RORC: variants seen among roughly 807,000 people sequenced by gnomAD.
The protein encoded by RORC is RAR related orphan receptor C.
RORC carries 13 observed loss-of-function variants against 64.5 expected under a neutral mutation model. That is an observed-to-expected ratio of 0.20 (90% confidence interval 0.13 to 0.32). The LOEUF (loss-of-function observed/expected upper bound fraction) is 0.32, where lower values mean the gene tolerates loss of function less well. Among genes scored for constraint, RORC ranks in the 10% least tolerant of loss-of-function variants. The probability of loss-of-function intolerance (pLI) is 1.00; values close to 1 mark genes in which losing one functional copy is unlikely to be tolerated. For synonymous variants in RORC, 277 were observed against 259.3 expected (o/e 1.07, Z -0.65); for missense variants, 468 against 669.5 (o/e 0.70, Z 3.32).
intron 2 of RORC, among the ~76,000 whole-genome samples, chr1:151,819,525 G>A (rs1226515279): frequency 6.6e-6 from 1 of 152,138 alleles, no homozygotes; most frequent in East Asian, 1.9e-4. Flanking sequence ...ACCAGAGATG[G>A]GAGAAACCAA....
In RORC at chr1:151,830,659, C is replaced by CACACACACACACAA. The variant is rs59443678; in HGVS notation, c.40+1065_40+1066insTTGTGTGTGTGTGT. Among the ~76,000 whole-genome samples, 6 of 139,154 alleles carry CACACACACACACAA rather than the reference C, an allele frequency of 4.3e-5. No homozygotes were observed. In the East Asian group the frequency reaches 8.7e-4, roughly 20 times the overall value. The allele number at this position is 139,154 out of a possible 152,430, so 91.3% of individuals were successfully genotyped here. On this transcript the variant is annotated intron_variant, in intron 1 of 10. Coordinates refer to ENST00000318247, the MANE Select transcript of RORC (RefSeq NM_005060.4). This position sits in a 1 kb window ranked among gnomAD's most constrained non-coding sequence, Gnocchi z 4.0. ...ACACACACACACACACACACACACA[C>CACACACACACACAA]ACAGTGCCCTTCTGCCCGGGAGATG... is the stretch of plus-strand genomic sequence containing the variant.
At position 151,807,237 on chromosome 1, in the gene RORC, GAC is replaced by G. The variant is rs1651349335; in HGVS notation, c.*233_*234del. On this transcript the variant is annotated 3_prime_UTR_variant, in exon 11 of 11. Coordinates refer to ENST00000318247, the MANE Select transcript of RORC (RefSeq NM_005060.4). The surrounding 1 kb of genome is among the most constrained non-coding windows in gnomAD (Gnocchi z 5.0). The stretch of plus-strand genomic sequence containing the variant: ...GGGTGTGAAGGAATATGGGAAATGA[GAC>G]AGGTCAAAGCTGAGGCTGGAGATGG... 1 of 464,288 alleles carries G rather than the reference GAC, an allele frequency of 2.2e-6. No homozygotes were observed. Among genetic ancestry groups the G allele is most frequent in the Admixed American group, 3.7e-5 (1 of 27,220 alleles). The allele number at this position is 464,288 out of a possible 1,614,324, so 28.8% of individuals were successfully genotyped here. A position where few individuals can be genotyped will look rare whatever the true frequency, so the allele number is the denominator to read the frequency against.
chr1:151,813,473 C>A lies in RORC; in HGVS notation c.1066+15G>T. On this transcript the variant is annotated intron_variant, in intron 7 of 10. Coordinates refer to ENST00000318247, the MANE Select transcript of RORC (RefSeq NM_005060.4). ...GTCCCCTTGTCCCCAGGCCTGCCCA[C>A]CCATCCCTGGGCACCTGCTTTGAGA... 3 of 1,613,962 alleles carry A rather than the reference C, an allele frequency of 1.9e-6. No homozygotes were observed. Among genetic ancestry groups the A allele is most frequent in the South Asian group, 2.2e-5 (2 of 91,078 alleles).
rs1372213178 is a variant in RORC at position 151,812,967 on chromosome 1, G to A, written c.1265C>T (p.Ala422Val). The change falls in exon 9 of 11, where the codon GCC (alanine) becomes GTC (valine). Residue 422 changes from alanine to valine, a missense_variant. By Grantham distance (64) the Ala-to-Val change is moderately conservative (BLOSUM62 0). Transcript: ENST00000318247. ...CTCACGGGCATTGATGAGAACAAGG[G>A]CTGTGTAGAGGGCAATCTCATCCTC... ...FSEDEIALYT[A>V]LVLINAHRPG... The A allele has an allele frequency of 1.9e-6, 3 of 1,612,464 alleles. No homozygotes were observed. Among genetic ancestry groups the A allele is most frequent in the African/African-American group, 1.3e-5 (1 of 74,890 alleles).
chr1:151,811,195 C>A, intron 10 of RORC, 130 bp downstream of exon 10: 1 of 535,594 alleles, frequency 1.9e-6, no homozygotes, highest in Non-Finnish European at 3.4e-6. Flanking sequence ...ACTGCTGATG[C>A]AAGCTCTCTA....
In RORC at chr1:151,812,952, T is replaced by C. The variant is rs1295691571; in HGVS notation, c.1280A>G (p.Asn427Ser). The C allele has an allele frequency of 6.2e-7, 1 of 1,607,698 alleles. No homozygotes were observed. The highest frequency in any genetic ancestry group is 8.5e-7 in the Non-Finnish European group (1 of 1,174,290). Reference protein sequence around the residue: ...IALYTALVLINAHRPGLQEKR... With the variant: ...IALYTALVLISAHRPGLQEKR... Reference sequence around the variant, plus strand: ...CCAAGCCCAGCAACACTCACGGGCATTGATGAGAACAAGGGCTGTGTAGAG... The same window carrying C: ...CCAAGCCCAGCAACACTCACGGGCACTGATGAGAACAAGGGCTGTGTAGAG... Residue 427 changes from asparagine (N) to serine (S), a missense_variant, in exon 9 of 11, where the codon AAT becomes AGT. Physicochemically the swap from Asn to Ser is conservative, Grantham distance 46. Transcript: ENST00000318247.
intron 2 of RORC, among the ~76,000 whole-genome samples, chr1:151,818,791 T>C (rs891490354): frequency 6.6e-6 from 1 of 152,216 alleles, no homozygotes; most frequent in African/African-American, 2.4e-5. Flanking sequence ...TGCACATTGC[T>C]GTGATCTCAC....
chr1:151,818,222 C>T (rs552233213), intron 2 of RORC, among the ~76,000 whole-genome samples: 4 of 152,238 alleles, frequency 2.6e-5, no homozygotes, highest in East Asian at 1.9e-4. Flanking sequence ...CCTGTCTTTT[C>T]GGGTACACAT....
chr1:151,812,698 T>C, intron 9 of RORC: 1 of 379,960 alleles, frequency 2.6e-6, no homozygotes. Context: ...GGAAAGTGGC[T>C]CATTTCCTCT....
chr1:151,814,527 CG>C, intron 6 of RORC, 46 bp downstream of exon 6: 3 of 1,577,310 alleles, frequency 1.9e-6, no homozygotes, highest in Non-Finnish European at 2.6e-6. Context: ...TGAACTCTCC[CG>C]GTGGGGGTGG....
chr1:151,814,423 T>C (rs1371599047), intron 6 of RORC, 151 bp downstream of exon 6: 1 of 722,554 alleles, frequency 1.4e-6, no homozygotes, highest in Non-Finnish European at 2.3e-6. Context: ...CATTCGCAAC[T>C]GTACATAAAA....
intron 1 of RORC, chr1:151,831,511 T>G (rs1652418383): frequency 2.9e-6 from 1 of 340,526 alleles, no homozygotes; most frequent in Admixed American, 6.5e-5. Context: ...CTTTCCTGTT[T>G]CTCTCCTTTT....
chr1:151,819,475 C>T (rs1468509304), intron 2 of RORC, among the ~76,000 whole-genome samples: 2 of 152,174 alleles, frequency 1.3e-5, no homozygotes, highest in African/African-American at 2.4e-5. Flanking sequence ...CAACACCTCC[C>T]CCTCCAACAC....
At position 151,807,889 on chromosome 1, in the gene RORC, T is replaced by C. The variant is rs931952845; in HGVS notation, c.1396-256A>G. ...ATTTATGTTCCCAATACTTCTAGAA[T>C]GAACCTTGTCAAAGACTCTAATGTG... On this transcript the variant is annotated intron_variant, in intron 10 of 10. Coordinates refer to ENST00000318247, the MANE Select transcript of RORC (RefSeq NM_005060.4). The surrounding 1 kb of genome is among the most constrained non-coding windows in gnomAD (Gnocchi z 5.0). 6.6e-6 allele frequency among the ~76,000 whole-genome samples: 1 copy of C among 152,230 alleles called. No individual in the cohort carries two copies. Among genetic ancestry groups the C allele is most frequent in the African/African-American group, 2.4e-5 (1 of 41,458 alleles).
intron 10 of RORC, among the ~76,000 whole-genome samples, chr1:151,808,398 C>A (rs976236305): frequency 3.9e-5 from 6 of 152,210 alleles, no homozygotes; most frequent in African/African-American, 1.4e-4. Context: ...GCTGAAAGAA[C>A]AATTTATCTC....
intron 1 of RORC, 57 bp downstream of exon 1, chr1:151,831,668 C>T: frequency 6.2e-7 from 1 of 1,609,336 alleles, no homozygotes; most frequent in East Asian, 2.2e-5. Context: ...CATTTCTGCC[C>T]TCCTCTGAAC....
At chr1:151,821,312 C>A (rs527280599) in intron 2 of RORC, among the ~76,000 whole-genome samples, 2 of 152,304 alleles carry the variant, frequency 1.3e-5, no homozygotes, top group Admixed American at 6.5e-5. Flanking sequence ...ACCACCCCCC[C>A]ACCATCATGG....
intron 10 of RORC, among the ~76,000 whole-genome samples, chr1:151,808,462 C>T (rs1651397441): frequency 6.6e-6 from 1 of 152,160 alleles, no homozygotes; most frequent in Admixed American, 6.5e-5. Flanking sequence ...CCTGCCATTG[C>T]CTCCCTCCCC....
intron 8 of RORC, 26 bp from the exon 9 acceptor site, chr1:151,813,083 G>T: frequency 6.4e-7 from 1 of 1,571,964 alleles, no homozygotes; most frequent in South Asian, 1.1e-5. Context: ...TGAGAAAAGT[G>T]AGAGAGTGGC....
Sources: allele counts gnomAD v4.1 joint callset (sites outside exome capture counted in the v4.1 genomes callset), GRCh38; gene constraint gnomAD v4.1.1; non-coding constraint Gnocchi (gnomAD v3.1); transcripts MANE v1.5; gene names NCBI Gene and HGNC (gene_info 2026-07-23, HGNC 2026-07-21).